Variants in PRKD1 observed in about 807,000 individuals in gnomAD.
The protein encoded by PRKD1 is serine/threonine-protein kinase D1.
PRKD1 carries 63 observed loss-of-function variants against 95.9 expected under a neutral mutation model. The observed-to-expected ratio is 0.66, with a 90% CI of 0.54 to 0.81. The LOEUF (loss-of-function observed/expected upper bound fraction) is 0.81. Ranked by LOEUF, PRKD1 falls within the 30% of genes least tolerant of loss-of-function variation. The pLI is 0.00. For synonymous variants in PRKD1, 425 were observed against 423.1 expected, an observed-to-expected ratio of 1.00 and a Z score of -0.05; for missense variants, 1,048 against 1,165.3, an observed-to-expected ratio of 0.90 and a Z score of 1.47.
intron 1 of PRKD1, among the ~76,000 whole-genome samples, chr14:29,745,926 C>T (rs1308557145): frequency 6.6e-6 from 1 of 152,168 alleles, no homozygotes; most frequent in Non-Finnish European, 1.5e-5. Flanking sequence ...TCTTCCTATT[C>T]CAATTCCACA....
intron 1 of PRKD1, among the ~76,000 whole-genome samples, chr14:29,783,990 T>C (rs756641689): frequency 8.5e-5 from 13 of 152,174 alleles, no homozygotes; most frequent in Admixed American, 6.5e-5. Flanking sequence ...TTAGTTTGTC[T>C]ACTTTTGTTT....
intron 4 of PRKD1, among the ~76,000 whole-genome samples, chr14:29,642,430 A>G (rs1378527099): frequency 6.6e-6 from 1 of 152,210 alleles, no homozygotes; most frequent in Non-Finnish European, 1.5e-5. Context: ...AAATTCAGAA[A>G]TTAATAGTTT....
chr14:29,835,432 T>C (rs770846643), intron 1 of PRKD1, among the ~76,000 whole-genome samples: 1 of 152,210 alleles, frequency 6.6e-6, no homozygotes, highest in Non-Finnish European at 1.5e-5. Flanking sequence ...AAATTAGTTA[T>C]TATTTTAAAC....
At chr14:29,856,810 G>A (rs1003497126) in intron 1 of PRKD1, among the ~76,000 whole-genome samples, 2 of 152,132 alleles carry the variant, frequency 1.3e-5, no homozygotes, top group African/African-American at 2.4e-5. Context: ...CACTCCACTG[G>A]AACTCCTGCT....
intron 2 of PRKD1, among the ~76,000 whole-genome samples, chr14:29,674,770 G>C (rs1486231412): frequency 6.6e-6 from 1 of 152,178 alleles, no homozygotes; most frequent in Non-Finnish European, 1.5e-5. Context: ...GGTAGACAAA[G>C]GCTAGGTACA....
intron 2 of PRKD1, among the ~76,000 whole-genome samples, chr14:29,672,863 T>A (rs1032824791): frequency 2.6e-5 from 4 of 151,944 alleles, no homozygotes; most frequent in African/African-American, 9.7e-5. Flanking sequence ...TTAAGAAAGT[T>A]AACATGTATT....
chr14:29,877,318 T>C (rs1015861530), intron 1 of PRKD1, among the ~76,000 whole-genome samples: 1 of 152,210 alleles, frequency 6.6e-6, no homozygotes, highest in African/African-American at 2.4e-5. Flanking sequence ...TTAAACATTA[T>C]GTTGCCCAAT....
chr14:29,654,247 A>G lies in PRKD1; in HGVS notation c.696+9452T>C, dbSNP rs1000581870. 7.2e-5 allele frequency among the ~76,000 whole-genome samples: 11 copies of G among 152,102 alleles called. No individual in the cohort carries two copies. The South Asian group carries it at 1.9e-3, about 26-fold the overall frequency. ...AGTGCAGTGGCATGATCTTGGCCCA[A>G]TGCAACCTCTGCCTCTCGGGTTCAA... On this transcript the variant is annotated intron_variant, in intron 4 of 17. Coordinates refer to ENST00000331968, the MANE Select transcript of PRKD1 (RefSeq NM_002742.3).
chr14:29,739,106 G>A (rs1886873025), intron 1 of PRKD1, among the ~76,000 whole-genome samples: 1 of 152,126 alleles, frequency 6.6e-6, no homozygotes, highest in Admixed American at 6.6e-5. Context: ...AAAGTGCTGG[G>A]AGTACAGGCA....
chr14:29,835,452 C>G (rs889327083), intron 1 of PRKD1, among the ~76,000 whole-genome samples: 1 of 152,302 alleles, frequency 6.6e-6, no homozygotes, highest in Admixed American at 6.5e-5. Flanking sequence ...CCAACTTTGA[C>G]TAAAAATTTG....
chr14:29,669,534 T>TA (rs1345356675), intron 2 of PRKD1, among the ~76,000 whole-genome samples: 26 of 152,212 alleles, frequency 1.7e-4, no homozygotes, highest in Non-Finnish European at 3.5e-4. Flanking sequence ...TTGCTATTTT[T>TA]AAGGTATTCT....
intron 1 of PRKD1, among the ~76,000 whole-genome samples, chr14:29,888,812 G>A (rs541367412): frequency 2.3e-4 from 35 of 152,270 alleles, no homozygotes; most frequent in African/African-American, 8.2e-4. Flanking sequence ...TCAAAGTCCT[G>A]AGCATTAATT....
At chr14:29,794,556 C>A in intron 1 of PRKD1, among the ~76,000 whole-genome samples, 1 of 151,990 alleles carries the variant, frequency 6.6e-6, no homozygotes, top group East Asian at 1.9e-4. Context: ...TGAATATAAA[C>A]AATTTACAAA....
intron 1 of PRKD1, among the ~76,000 whole-genome samples, chr14:29,746,861 G>C (rs553125798): frequency 1.3e-5 from 2 of 152,042 alleles, no homozygotes; most frequent in South Asian, 2.1e-4. Context: ...AATATGACTG[G>C]AATGCAAATA....
chr14:29,639,491 C>T (rs929025822), intron 4 of PRKD1, among the ~76,000 whole-genome samples: 8 of 151,808 alleles, frequency 5.3e-5, no homozygotes, highest in Admixed American at 2.6e-4. Context: ...TGGTGGTGCT[C>T]GCCTGTAATC....
At position 29,591,225 on chromosome 14, in the gene PRKD1, C is replaced by T. The variant is rs1419311341; in HGVS notation, c.2434+6266G>A. 3 of 151,986 alleles carry T rather than the reference C, an allele frequency of 2.0e-5. No homozygotes were observed. In the East Asian group the frequency reaches 5.8e-4, roughly 29 times the overall value. The allele number at this position is 151,986 out of a possible 1,614,324, so 9.4% of individuals were successfully genotyped here. A position where few individuals can be genotyped will look rare whatever the true frequency, so the allele number is the denominator to read the frequency against. On this transcript the variant is annotated intron_variant, in intron 16 of 17. Transcript: ENST00000331968. ...GAAAAAAGATACTTGTGCTTCTTTT[C>T]TTATTCTCACTATTTTCATGGCAAT...
In PRKD1 at chr14:29,925,229, A is replaced by G. The variant is rs10129755; in HGVS notation, c.264+2020T>C. On this transcript the variant is annotated intron_variant, in intron 1 of 17. Coordinates refer to ENST00000331968, the MANE Select transcript of PRKD1 (RefSeq NM_002742.3). ...ATTTTCCCTTTCCAGTATTTCTCCCAGTCTCTCCCCCAAGTCTTGACTCAT... is the reference window on the plus strand; with the variant it reads ...ATTTTCCCTTTCCAGTATTTCTCCCGGTCTCTCCCCCAAGTCTTGACTCAT... 8.0e-3 allele frequency among the ~76,000 whole-genome samples: 1,217 copies of G among 152,228 alleles called. 15 individuals are homozygous for G. The highest frequency in any genetic ancestry group is 0.028 in the African/African-American group (1,166 of 41,534).
At chr14:29,755,690 C>T (rs753866385) in intron 1 of PRKD1, among the ~76,000 whole-genome samples, 1 of 152,140 alleles carries the variant, frequency 6.6e-6, no homozygotes, top group Non-Finnish European at 1.5e-5. Flanking sequence ...CTCCAGCCCT[C>T]CAAAAGTTTG....
In PRKD1 at chr14:29,826,848, T is replaced by C. The variant is rs10149212; in HGVS notation, c.264+100401A>G. Reference sequence around the variant, plus strand: ...ATATATATATATATATACACACATATATATATATATATATATATATATATA... The same window carrying C: ...ATATATATATATATATACACACATACATATATATATATATATATATATATA... On this transcript the variant is annotated intron_variant, in intron 1 of 17. Transcript: ENST00000331968. Among the ~76,000 whole-genome samples the C allele has an allele frequency of 1.8e-3, 124 of 68,558 alleles. 25 individuals are homozygous for C. Among genetic ancestry groups the C allele is most frequent in the South Asian group, 2.8e-3 (6 of 2,110 alleles). The allele number at this position is 68,558 out of a possible 152,430, so 45.0% of individuals were successfully genotyped here.
Sources: allele counts gnomAD v4.1 joint callset (sites outside exome capture counted in the v4.1 genomes callset), GRCh38; gene constraint gnomAD v4.1.1; transcripts MANE v1.5; gene names NCBI Gene and HGNC (gene_info 2026-07-23, HGNC 2026-07-21).